The following UBE2E2 variants were observed in gnomAD, a reference collection of about 807,000 sequenced individuals.
UBE2E2 encodes ubiquitin-conjugating enzyme E2 E2.
UBE2E2 carries 6 observed loss-of-function variants against 24.7 expected under a neutral mutation model. The observed-to-expected ratio is 0.24, with a 90% CI of 0.13 to 0.48. The LOEUF is 0.48. Ranked by LOEUF, UBE2E2 falls within the 20% of genes least tolerant of loss-of-function variation. The probability of loss-of-function intolerance (pLI) is 0.99; values close to 1 mark genes in which losing one functional copy is unlikely to be tolerated. For missense variants in UBE2E2, 169 were observed against 245.0 expected (o/e 0.69, Z 2.07); for synonymous variants, 104 against 83.6 (o/e 1.24, Z -1.33).
intron 3 of UBE2E2, among the ~76,000 whole-genome samples, chr3:23,429,617 G>C (rs1416051682): frequency 2.0e-5 from 3 of 152,136 alleles, no homozygotes; most frequent in Non-Finnish European, 4.4e-5. Flanking sequence ...GAATAGAAGA[G>C]AACTTCCTTA....
At chr3:23,556,117 G>A (rs2125501417) in intron 5 of UBE2E2, among the ~76,000 whole-genome samples, 1 of 137,412 alleles carries the variant, frequency 7.3e-6, no homozygotes, top group Non-Finnish European at 1.6e-5. Flanking sequence ...TTAACAACGT[G>A]TTGTATACCT....
At position 23,301,403 on chromosome 3, in the gene UBE2E2, G is replaced by C. The variant is rs182007696; in HGVS notation, c.227+84091G>C. ...TTTTTCTGCTCTGTTATTTTCCCAT[G>C]TTTGTGGTTTTATCTACCTTTGGTC... On this transcript the variant is annotated intron_variant, in intron 3 of 5. Transcript: ENST00000396703. Among the ~76,000 whole-genome samples, 5 of 152,270 alleles carry C rather than the reference G, an allele frequency of 3.3e-5. No homozygotes were observed. In the East Asian group the frequency reaches 7.7e-4, roughly 24 times the overall value.
chr3:23,408,058 TA>T (rs1413403519), intron 3 of UBE2E2, among the ~76,000 whole-genome samples: 3 of 152,144 alleles, frequency 2.0e-5, no homozygotes, highest in African/African-American at 7.2e-5. Context: ...AAGAATTTAT[TA>T]AAAAATACAC....
chr3:23,541,151 C>T (rs1373908878), intron 5 of UBE2E2, among the ~76,000 whole-genome samples: 1 of 152,188 alleles, frequency 6.6e-6, no homozygotes. Context: ...TGTACAGTAT[C>T]TTGGGAGAAA....
intron 4 of UBE2E2, among the ~76,000 whole-genome samples, chr3:23,515,152 T>A (rs967542223): frequency 4.9e-5 from 7 of 142,214 alleles, no homozygotes; most frequent in African/African-American, 1.9e-4. Flanking sequence ...TGTGTGTGTG[T>A]GTACATATAT....
chr3:23,468,885 C>T (rs182038282), intron 3 of UBE2E2, among the ~76,000 whole-genome samples: 1 of 152,120 alleles, frequency 6.6e-6, no homozygotes. Flanking sequence ...TGTGTCGATG[C>T]CTGGTATATT....
chr3:23,299,206 C>T (rs945161801), intron 3 of UBE2E2, among the ~76,000 whole-genome samples: 1 of 152,114 alleles, frequency 6.6e-6, no homozygotes. Flanking sequence ...GGCGGTCTAT[C>T]AATTTTGTTG....
intron 4 of UBE2E2, among the ~76,000 whole-genome samples, chr3:23,519,263 T>C (rs1575681089): frequency 2.0e-5 from 3 of 151,232 alleles, no homozygotes; most frequent in Non-Finnish European, 4.4e-5. Context: ...TTTTTTTTGC[T>C]ATTTTATTCC....
At chr3:23,252,665 T>C (rs1645804884) in intron 3 of UBE2E2, among the ~76,000 whole-genome samples, 1 of 152,050 alleles carries the variant, frequency 6.6e-6, no homozygotes, top group Admixed American at 6.6e-5. Flanking sequence ...TCCAGCTGAT[T>C]TTTGTATTTT....
intron 1 of UBE2E2, chr3:23,204,660 C>T (rs1696097262): frequency 1.0e-6 from 1 of 979,838 alleles, no homozygotes; most frequent in African/African-American, 1.8e-5. Context: ...TCATATAATG[C>T]CATACCCCAT....
intron 3 of UBE2E2, among the ~76,000 whole-genome samples, chr3:23,472,308 A>G (rs923122076): frequency 1.3e-5 from 2 of 152,242 alleles, no homozygotes; most frequent in African/African-American, 4.8e-5. Flanking sequence ...ATCTACTGGA[A>G]AATGAGTTTC....
intron 5 of UBE2E2, among the ~76,000 whole-genome samples, chr3:23,574,183 C>T (rs1696290872): frequency 6.6e-6 from 1 of 151,956 alleles, no homozygotes; most frequent in African/African-American, 2.4e-5. Flanking sequence ...AACCACTGAA[C>T]TCATGAAGAT....
chr3:23,300,718 T>A (rs1279520656), intron 3 of UBE2E2, among the ~76,000 whole-genome samples: 3 of 152,076 alleles, frequency 2.0e-5, no homozygotes, highest in African/African-American at 7.2e-5. Flanking sequence ...CCCTTAACAT[T>A]TTTTCCTTCA....
intron 3 of UBE2E2, among the ~76,000 whole-genome samples, chr3:23,301,472 C>G (rs1699087082): frequency 1.3e-5 from 2 of 152,132 alleles, no homozygotes; most frequent in African/African-American, 4.8e-5. Context: ...TGTGGATGTC[C>G]TTTCTGTTTG....
intron 5 of UBE2E2, among the ~76,000 whole-genome samples, chr3:23,553,508 A>T (rs945695474): frequency 6.6e-6 from 1 of 152,094 alleles, no homozygotes; most frequent in African/African-American, 2.4e-5. Flanking sequence ...CATTGCTCTT[A>T]AAGTAGGTTG....
intron 3 of UBE2E2, among the ~76,000 whole-genome samples, chr3:23,434,661 C>A (rs1698144110): frequency 6.6e-6 from 1 of 151,992 alleles, no homozygotes; most frequent in Non-Finnish European, 1.5e-5. Flanking sequence ...TAGGTAATTG[C>A]ATAAAAATTG....
At chr3:23,359,750 A>G (rs748812537) in intron 3 of UBE2E2, among the ~76,000 whole-genome samples, 3 of 152,256 alleles carry the variant, frequency 2.0e-5, no homozygotes, top group African/African-American at 4.8e-5. Flanking sequence ...TACTCAGGAA[A>G]TTATACTTGC....
intron 3 of UBE2E2, among the ~76,000 whole-genome samples, chr3:23,305,089 G>A (rs1699204754): frequency 1.3e-5 from 2 of 152,098 alleles, no homozygotes; most frequent in South Asian, 4.1e-4. Flanking sequence ...GCAGATACAA[G>A]TTTTCCAAAA....
intron 3 of UBE2E2, among the ~76,000 whole-genome samples, chr3:23,487,341 G>A (rs535138183): frequency 7.2e-5 from 11 of 152,352 alleles, no homozygotes; most frequent in African/African-American, 2.6e-4. Flanking sequence ...ATCCGAGTCA[G>A]AACCACTGCT....
Sources: allele counts gnomAD v4.1 joint callset (sites outside exome capture counted in the v4.1 genomes callset), GRCh38; gene constraint gnomAD v4.1.1; transcripts MANE v1.5; gene names NCBI Gene and HGNC (gene_info 2026-07-23, HGNC 2026-07-21).